Variants in MAP3K5 observed in about 807,000 individuals in gnomAD.
MAP3K5 encodes the protein ASK-1.
In MAP3K5, 56 loss-of-function variants were observed where a neutral mutation model predicts 158.7. The observed-to-expected ratio is 0.35, with a 90% confidence interval of 0.28 to 0.44. The LOEUF (loss-of-function observed/expected upper bound fraction) is 0.44, where lower values mean the gene tolerates loss of function less well. MAP3K5 is among the 20% of genes least tolerant of loss of function. The pLI is 1.00. For synonymous variants in MAP3K5, 579 were observed against 601.7 expected (o/e 0.96, Z 0.55); for missense variants, 1,294 against 1,674.8 (o/e 0.77, Z 3.97).
intron 29 of MAP3K5, 124 bp downstream of exon 29, chr6:136,558,676 A>C: frequency 1.7e-6 from 1 of 603,146 alleles, no homozygotes; most frequent in Non-Finnish European, 2.9e-6. Context: ...CAGAGCAGCT[A>C]AGAGCTAGAG....
chr6:136,592,646 T>G, intron 21 of MAP3K5, 32 bp from the exon 22 acceptor site: 1 of 1,584,146 alleles, frequency 6.3e-7, no homozygotes, highest in East Asian at 2.2e-5. Context: ...AAAAGATAAT[T>G]GACACTTTAA....
chr6:136,661,000 T>C (rs536318438), intron 8 of MAP3K5, among the ~76,000 whole-genome samples: 5 of 152,126 alleles, frequency 3.3e-5, no homozygotes, highest in Non-Finnish European at 4.4e-5. Context: ...CATTTCTTTG[T>C]TGTCTATGAA....
intron 2 of MAP3K5, among the ~76,000 whole-genome samples, chr6:136,718,879 T>A (rs150339974): frequency 6.6e-6 from 1 of 152,290 alleles, no homozygotes; most frequent in Admixed American, 6.5e-5. Context: ...TAAATAAACT[T>A]AATCTATCTA....
At chr6:136,677,766 A>C (rs191165890) in intron 7 of MAP3K5, among the ~76,000 whole-genome samples, 1 of 152,358 alleles carries the variant, frequency 6.6e-6, no homozygotes, top group African/African-American at 2.4e-5. Context: ...CTTCCTACAA[A>C]TGAGGACAGT....
intron 5 of MAP3K5, among the ~76,000 whole-genome samples, chr6:136,696,501 C>T (rs1780605916): frequency 6.6e-6 from 1 of 152,154 alleles, no homozygotes; most frequent in South Asian, 2.1e-4. Flanking sequence ...GCACTCTAGC[C>T]ACAGGATCCT....
intron 1 of MAP3K5, among the ~76,000 whole-genome samples, chr6:136,782,284 T>TA (rs1281981987): frequency 0.068 from 5,136 of 75,514 alleles, 179 homozygotes; most frequent in African/African-American, 0.15. Context: ...CATCTCAAAA[T>TA]AAAAAAAAAA....
intron 1 of MAP3K5, among the ~76,000 whole-genome samples, chr6:136,750,200 C>T (rs1476564111): frequency 1.3e-5 from 2 of 152,164 alleles, no homozygotes; most frequent in African/African-American, 2.4e-5. Context: ...GCTCCAGCCT[C>T]TTGAATAGCT....
intron 5 of MAP3K5, 76 bp downstream of exon 5, chr6:136,697,143 T>C (rs1780634594): frequency 5.2e-6 from 7 of 1,339,492 alleles, no homozygotes; most frequent in Middle Eastern, 3.8e-4. Context: ...ACCAGCAAAC[T>C]GAAATTTGAG....
chr6:136,581,290 G>A (rs1201032823), intron 24 of MAP3K5, among the ~76,000 whole-genome samples: 1 of 152,174 alleles, frequency 6.6e-6, no homozygotes, highest in African/African-American at 2.4e-5. Context: ...GCATGTGTCA[G>A]GATTTCTTTC....
intron 8 of MAP3K5, among the ~76,000 whole-genome samples, chr6:136,660,946 G>C (rs1000244965): frequency 6.7e-6 from 1 of 149,942 alleles, no homozygotes; most frequent in East Asian, 1.9e-4. Flanking sequence ...ACACAAAACA[G>C]CTTTTTTTTT....
intron 7 of MAP3K5, among the ~76,000 whole-genome samples, chr6:136,689,952 C>T (rs1023197973): frequency 1.3e-5 from 2 of 151,894 alleles, no homozygotes; most frequent in African/African-American, 2.4e-5. Context: ...ACAGGAATTC[C>T]TAAACTAAGT....
intron 2 of MAP3K5, among the ~76,000 whole-genome samples, chr6:136,713,909 G>A (rs779939352): frequency 6.6e-6 from 1 of 152,146 alleles, no homozygotes; most frequent in Non-Finnish European, 1.5e-5. Flanking sequence ...CCACTTTATA[G>A]GATCATATTT....
At chr6:136,784,401 T>C (rs1187872037) in intron 1 of MAP3K5, among the ~76,000 whole-genome samples, 1 of 152,014 alleles carries the variant, frequency 6.6e-6, no homozygotes, top group Non-Finnish European at 1.5e-5. Context: ...AATTGACCCA[T>C]TATCCAAGAA....
Position 136,573,405 on chromosome 6 carries a change from G to A in MAP3K5, c.3518-5531C>T, listed in dbSNP as rs76395399. 7.1e-3 allele frequency among the ~76,000 whole-genome samples: 1,082 copies of A among 152,272 alleles called. 9 individuals are homozygous for A. The highest frequency in any genetic ancestry group is 0.024 in the African/African-American group (998 of 41,542). On this transcript the variant is annotated intron_variant, in intron 25 of 29. Coordinates refer to ENST00000359015, the MANE Select transcript of MAP3K5 (RefSeq NM_005923.4). ...TTCTCCAGTTTACTGATGTTATATG[G>A]TAGAACTTCTCAGCCTCCATAATCA... is the stretch of plus-strand genomic sequence containing the variant.
At chr6:136,592,091 T>G (rs1262170812) in intron 23 of MAP3K5, 82 bp downstream of exon 23, 18 of 1,328,624 alleles carry the variant, frequency 1.4e-5, no homozygotes, top group Non-Finnish European at 1.8e-5. Flanking sequence ...GCCTTTCACA[T>G]CATCTGTGAC....
At chr6:136,561,112 C>T (rs1185264344) in intron 28 of MAP3K5, among the ~76,000 whole-genome samples, 2 of 151,988 alleles carry the variant, frequency 1.3e-5, no homozygotes, top group African/African-American at 4.8e-5. Flanking sequence ...GGGCTCAGGA[C>T]CACAGAGCTT....
At chr6:136,787,905 G>C (rs1194397363) in intron 1 of MAP3K5, among the ~76,000 whole-genome samples, 1 of 152,188 alleles carries the variant, frequency 6.6e-6, no homozygotes, top group Non-Finnish European at 1.5e-5. Flanking sequence ...AATCCTGTGG[G>C]CCACCTGTTT....
At chr6:136,639,772 C>G in intron 12 of MAP3K5, 134 bp from the exon 13 acceptor site, 1 of 583,414 alleles carries the variant, frequency 1.7e-6, no homozygotes, top group South Asian at 2.2e-5. Context: ...ATAAATAGCA[C>G]TTTAAAAAGT....
At chr6:136,604,903 T>C (rs1776038172) in intron 19 of MAP3K5, among the ~76,000 whole-genome samples, 3 of 152,222 alleles carry the variant, frequency 2.0e-5, no homozygotes, top group African/African-American at 4.8e-5. Flanking sequence ...TTTCAGACTG[T>C]TTCCCAAAGG....
Sources: gnomAD v4.1 joint callset for allele counts (sites outside exome capture counted in the v4.1 genomes callset) on GRCh38, gnomAD v4.1.1 for gene constraint, MANE v1.5 for transcripts, NCBI Gene and HGNC (gene_info 2026-07-23, HGNC 2026-07-21) for gene names.